CRACR2A: variants seen among roughly 807,000 people sequenced by gnomAD.
CRACR2A encodes the protein calcium release activated channel regulator 2A.
In CRACR2A, 79 loss-of-function variants were observed where a neutral mutation model predicts 90.5. That is an observed-to-expected ratio of 0.87 (90% CI 0.73 to 1.05). The LOEUF (loss-of-function observed/expected upper bound fraction) is 1.05, where lower values mean the gene tolerates loss of function less well. Ranked by LOEUF, CRACR2A falls within the 50% of genes least tolerant of loss-of-function variation. The pLI is 0.00. For missense variants in CRACR2A, 823 were observed against 897.2 expected, an observed-to-expected ratio of 0.92 and a Z score of 1.06; for synonymous variants, 338 against 356.7, an observed-to-expected ratio of 0.95 and a Z score of 0.59.
intron 7 of CRACR2A, among the ~76,000 whole-genome samples, chr12:3,660,075 G>C (rs1591664956): frequency 6.6e-6 from 1 of 152,154 alleles, no homozygotes; most frequent in East Asian, 1.9e-4. Context: ...CATTGTGTGG[G>C]TTTCTTTCCT....
intron 7 of CRACR2A, among the ~76,000 whole-genome samples, chr12:3,670,193 T>A (rs1945215593): frequency 6.6e-6 from 1 of 152,220 alleles, no homozygotes; most frequent in Admixed American, 6.5e-5. Context: ...GCCTGGTGCC[T>A]GGCCTGGGGC....
intron 2 of CRACR2A, among the ~76,000 whole-genome samples, chr12:3,714,393 C>T (rs1946052799): frequency 6.6e-6 from 1 of 152,192 alleles, no homozygotes; most frequent in Non-Finnish European, 1.5e-5. Flanking sequence ...TGTTGGCACC[C>T]CTGTCCCCTG....
At chr12:3,640,428 G>T in intron 13 of CRACR2A, 1 of 899,490 alleles carries the variant, frequency 1.1e-6, no homozygotes, top group Non-Finnish European at 1.5e-6. Flanking sequence ...TTAATGGTAG[G>T]ACCTCATGTC....
At position 3,678,956 on chromosome 12, in the gene CRACR2A, C is replaced by G. The variant is rs777269172; in HGVS notation, c.483G>C (p.Arg161=). Residue 161 remains arginine (R), a synonymous_variant, in exon 6 of 20, where the codon CGG becomes CGC. Transcript: ENST00000440314. ...DMGEDEEAQF[R]MLMDRLGAQK... is the part of the protein sequence containing the mutation. ...GGGCTCCAAGTCTGTCCATCAGCAT[C>G]CGGAACTGGGCTTCCTCATCTTCGC... 3 of 1,613,294 alleles carry G rather than the reference C, an allele frequency of 1.9e-6. No homozygotes were observed. In the Admixed American group the frequency reaches 5.0e-5, roughly 27 times the overall value.
At chr12:3,644,837 G>A (rs1944656775) in intron 11 of CRACR2A, among the ~76,000 whole-genome samples, 197 bp from the exon 12 acceptor site, 1 of 152,188 alleles carries the variant, frequency 6.6e-6, no homozygotes, top group African/African-American at 2.4e-5. Context: ...ACACAGATGT[G>A]GGGGATAGAC....
Position 3,656,420 on chromosome 12 carries a change from A to G in CRACR2A, c.763-14T>C. The G allele has an allele frequency of 6.2e-7, 1 of 1,613,918 alleles. No individual in the cohort carries two copies. The highest frequency in any genetic ancestry group is 8.5e-7 in the Non-Finnish European group (1 of 1,179,876). On this transcript the variant is annotated splice_polypyrimidine_tract_variant and intron_variant, in intron 8 of 19. Coordinates refer to ENST00000440314, the MANE Select transcript of CRACR2A (RefSeq NM_001144958.2). ...CCTCTCTGTGTCCTGCCAAGCCAGA[A>G]AGAGGGACACACAGGACCCAAATGT...
In CRACR2A at chr12:3,678,994, G is replaced by C. The variant is rs1270239259; in HGVS notation, c.445C>G (p.Leu149Val). 6.2e-7 allele frequency: 1 copy of C among 1,614,132 alleles called. No individual in the cohort carries two copies. The highest frequency in any genetic ancestry group is 8.5e-7 in the Non-Finnish European group (1 of 1,180,000). Residue 149 changes from leucine to valine, a missense_variant, in exon 6 of 20, where the codon CTG becomes GTG. Physicochemically the swap from Leu to Val is conservative, Grantham distance 32. Coordinates refer to ENST00000440314, the MANE Select transcript of CRACR2A (RefSeq NM_001144958.2). Reference sequence around the variant, plus strand: ...TCCTCATCTTCGCCCATGTCGCCCAGATCCTCATCCCCTCTGGACAGATAC... The same window carrying C: ...TCCTCATCTTCGCCCATGTCGCCCACATCCTCATCCCCTCTGGACAGATAC... ...KVYLSRGDED[L>V]GDMGEDEEAQ...
At chr12:3,648,281 T>G in intron 11 of CRACR2A, 1 of 1,399,134 alleles carries the variant, frequency 7.1e-7, no homozygotes, top group Non-Finnish European at 9.3e-7. Context: ...AGCACAGTCC[T>G]GTGAGGGACT....
intron 15 of CRACR2A, among the ~76,000 whole-genome samples, chr12:3,628,700 C>T (rs1299006454): frequency 6.6e-6 from 1 of 152,198 alleles, no homozygotes; most frequent in African/African-American, 2.4e-5. Context: ...TACATCCCCC[C>T]ACCACCACCA....
At chr12:3,653,248 TG>T (rs1463707158) in intron 10 of CRACR2A, among the ~76,000 whole-genome samples, 8 of 152,332 alleles carry the variant, frequency 5.3e-5, no homozygotes, top group African/African-American at 1.9e-4. Flanking sequence ...CCCAAAGTGC[TG>T]GGATTACAGG....
At chr12:3,681,097 C>G (rs1945442009) in intron 4 of CRACR2A, among the ~76,000 whole-genome samples, 1 of 152,200 alleles carries the variant, frequency 6.6e-6, no homozygotes, top group Non-Finnish European at 1.5e-5. Context: ...CTGGAGGCCC[C>G]TGGTGTCCCA....
At chr12:3,623,374 C>T (rs17770271) in intron 17 of CRACR2A, among the ~76,000 whole-genome samples, 14,092 of 152,192 alleles carry the variant, frequency 0.093, 698 homozygotes, top group Middle Eastern at 0.16. Flanking sequence ...AATCTAGTGC[C>T]ATCAGAACGA....
At chr12:3,631,695 C>A (rs1348176250) in intron 15 of CRACR2A, among the ~76,000 whole-genome samples, 1 of 152,176 alleles carries the variant, frequency 6.6e-6, no homozygotes, top group African/African-American at 2.4e-5. Context: ...GAAGGAAAGG[C>A]ATGGGAAGAT....
At chr12:3,650,680 C>T (rs1944779550) in intron 10 of CRACR2A, among the ~76,000 whole-genome samples, 1 of 152,216 alleles carries the variant, frequency 6.6e-6, no homozygotes, top group South Asian at 2.1e-4. Context: ...GCCAGGAGCT[C>T]ACAGCTTTTT....
intron 8 of CRACR2A, among the ~76,000 whole-genome samples, chr12:3,657,546 C>T (rs1362605565): frequency 6.6e-6 from 1 of 152,162 alleles, no homozygotes; most frequent in Non-Finnish European, 1.5e-5. Flanking sequence ...GTTCTTCTGC[C>T]CATTTCTAGG....
intron 1 of CRACR2A, among the ~76,000 whole-genome samples, chr12:3,752,339 CACACACACACACACACGG>C (rs1290362679): frequency 4.9e-5 from 2 of 40,416 alleles, no homozygotes; most frequent in Non-Finnish European, 1.0e-4. Flanking sequence ...CACACACGGA[CACACACACACACACACGG>C]ACACACACAC....
rs546467607 is a variant in CRACR2A, at chr12:3,670,156, C to T, written c.671+3290G>A. 1.3e-3 allele frequency among the ~76,000 whole-genome samples: 204 copies of T among 152,326 alleles called. 3 individuals carry two copies. Among genetic ancestry groups the T allele is most frequent in the African/African-American group, 4.1e-3 (172 of 41,568 alleles). ...GGAGGGAGTGCTGGTTCGATGCTAG[C>T]TACTGGTTACACACAGACTGTGTTC... On this transcript the variant is annotated intron_variant, in intron 7 of 19. Coordinates refer to ENST00000440314, the MANE Select transcript of CRACR2A (RefSeq NM_001144958.2).
intron 7 of CRACR2A, among the ~76,000 whole-genome samples, chr12:3,665,292 C>T (rs1040674245): frequency 8.5e-5 from 13 of 152,172 alleles, no homozygotes; most frequent in Non-Finnish European, 1.5e-4. Context: ...TGGCATGTTT[C>T]AGGGTAGTCT....
At chr12:3,631,540 C>G (rs147269906) in intron 15 of CRACR2A, among the ~76,000 whole-genome samples, 4 of 152,228 alleles carry the variant, frequency 2.6e-5, no homozygotes, top group Non-Finnish European at 5.9e-5. Context: ...TGTGTTACCA[C>G]GCTCAGCACA....
Sources: allele counts gnomAD v4.1 joint callset (sites outside exome capture counted in the v4.1 genomes callset), GRCh38; gene constraint gnomAD v4.1.1; transcripts MANE v1.5; gene names NCBI Gene and HGNC (gene_info 2026-07-23, HGNC 2026-07-21).